Variants in ESRRG observed in about 807,000 individuals in gnomAD.
The protein encoded by ESRRG is estrogen related receptor gamma, also known as estrogen-related receptor gamma.
In ESRRG, 13 loss-of-function variants were observed where a neutral mutation model predicts 44.0. The observed-to-expected ratio is 0.30, with a 90% CI of 0.19 to 0.47. The LOEUF is 0.47. Among genes scored for constraint, ESRRG ranks in the 20% least tolerant of loss-of-function variants. ESRRG has a pLI of 1.00. For synonymous variants in ESRRG, 215 were observed against 214.6 expected (o/e 1.00, Z -0.02); for missense variants, 395 against 580.6 (o/e 0.68, Z 3.29).
chr1:217,088,387 TTTTTTCCTGTC>T (rs2092214706), intron 1 of ESRRG, among the ~76,000 whole-genome samples: 1 of 149,424 alleles, frequency 6.7e-6, no homozygotes, highest in Non-Finnish European at 1.5e-5. Context: ...GAGAATTTCT[TTTTTTCCTGTC>T]TTTTTTTTTT....
chr1:217,010,131 G>T (rs1346311745), intron 1 of ESRRG, among the ~76,000 whole-genome samples: 1 of 152,124 alleles, frequency 6.6e-6, no homozygotes, highest in Non-Finnish European at 1.5e-5. Flanking sequence ...GGAAACATCA[G>T]CAAATCAGAA....
chr1:216,779,529 AATATTT>A (rs1182315985), intron 2 of ESRRG, among the ~76,000 whole-genome samples: 2 of 70,876 alleles, frequency 2.8e-5, no homozygotes, highest in South Asian at 4.1e-4. Context: ...TATAAATATA[AATATTT>A]ATATTTATAT....
chr1:216,564,394 C>T lies in ESRRG; in HGVS notation c.701-14G>A, dbSNP rs1181503741. ...CAATCTTGTTATCTGCAGGATCAGA[C>T]CAGAGCACTACAAGATCACTAGTAG... On this transcript the variant is annotated splice_polypyrimidine_tract_variant and intron_variant, in intron 4 of 6. Transcript: ENST00000408911. 1.3e-6 allele frequency: 2 copies of T among 1,596,796 alleles called. No homozygotes were observed. The highest frequency in any genetic ancestry group is 1.7e-6 in the Non-Finnish European group (2 of 1,172,380).
chr1:217,022,922 C>T (rs2080587705), intron 1 of ESRRG, among the ~76,000 whole-genome samples: 1 of 152,092 alleles, frequency 6.6e-6, no homozygotes, highest in African/African-American at 2.4e-5. Flanking sequence ...ACTAACAATC[C>T]AGTGGGACCT....
intron 1 of ESRRG, among the ~76,000 whole-genome samples, chr1:217,102,197 T>G (rs1285166355): frequency 5.3e-5 from 8 of 152,150 alleles, no homozygotes; most frequent in Non-Finnish European, 1.2e-4. Flanking sequence ...CCTTATGCAA[T>G]AGGTGTTGTT....
At chr1:216,897,948 T>C in intron 2 of ESRRG, among the ~76,000 whole-genome samples, 1 of 152,188 alleles carries the variant, frequency 6.6e-6, no homozygotes. Flanking sequence ...CAGTGAGACC[T>C]TGGGCAGAGC....
chr1:216,931,972 G>A (rs1578298850), intron 2 of ESRRG, among the ~76,000 whole-genome samples: 1 of 152,108 alleles, frequency 6.6e-6, no homozygotes, highest in South Asian at 2.1e-4. Context: ...TTGGGAGGCC[G>A]AGGCAGGCAG....
chr1:217,066,758 C>T (rs959584912), intron 1 of ESRRG, among the ~76,000 whole-genome samples: 3 of 152,160 alleles, frequency 2.0e-5, no homozygotes, highest in East Asian at 1.9e-4. Context: ...GGGCTCTATT[C>T]ACTAGATGCC....
intron 2 of ESRRG, 45 bp downstream of exon 2, chr1:216,677,031 T>G: frequency 6.9e-7 from 1 of 1,455,448 alleles, no homozygotes; most frequent in Non-Finnish European, 9.5e-7. Flanking sequence ...AAACCCATCA[T>G]GTGAGGTTGG....
chr1:216,839,191 C>T (rs529265162), intron 2 of ESRRG, among the ~76,000 whole-genome samples: 60 of 152,270 alleles, frequency 3.9e-4, no homozygotes, highest in African/African-American at 8.9e-4. Context: ...ACAGCACCTT[C>T]GCTAGGAGTA....
At chr1:216,593,231 A>G (rs2057961978) in intron 3 of ESRRG, among the ~76,000 whole-genome samples, 1 of 152,226 alleles carries the variant, frequency 6.6e-6, no homozygotes, top group Admixed American at 6.5e-5. Flanking sequence ...ATTGTTGCTT[A>G]GCTTTTTAAC....
intron 2 of ESRRG, among the ~76,000 whole-genome samples, chr1:216,834,207 C>G (rs887772869): frequency 3.3e-5 from 5 of 152,092 alleles, no homozygotes; most frequent in Admixed American, 2.0e-4. Flanking sequence ...TTGAAACCAG[C>G]CTAGACAACA....
chr1:216,920,165 G>A (rs1366234814), intron 2 of ESRRG, among the ~76,000 whole-genome samples: 2 of 152,108 alleles, frequency 1.3e-5, no homozygotes, highest in South Asian at 2.1e-4. Context: ...TGCTGTGCTC[G>A]CACTACAAAA....
intron 2 of ESRRG, among the ~76,000 whole-genome samples, chr1:216,793,443 A>G (rs1576609587): frequency 6.6e-6 from 1 of 152,162 alleles, no homozygotes; most frequent in East Asian, 1.9e-4. Flanking sequence ...GGGGGAAGCC[A>G]GCTGCCATGT....
At chr1:216,867,860 G>T (rs1038681885) in intron 2 of ESRRG, among the ~76,000 whole-genome samples, 1 of 151,950 alleles carries the variant, frequency 6.6e-6, no homozygotes, top group South Asian at 2.1e-4. Flanking sequence ...AAGAATCGGG[G>T]TACAAAACAA....
At chr1:217,044,313 C>T (rs552242009) in intron 1 of ESRRG, among the ~76,000 whole-genome samples, 10 of 152,236 alleles carry the variant, frequency 6.6e-5, no homozygotes, top group African/African-American at 2.4e-4. Context: ...TCCTGCCTCC[C>T]TAATTTTCTC....
At chr1:216,998,391 GT>G (rs1460324597) in intron 1 of ESRRG, among the ~76,000 whole-genome samples, 1 of 152,114 alleles carries the variant, frequency 6.6e-6, no homozygotes, top group Non-Finnish European at 1.5e-5. Context: ...TGCCAGTGTT[GT>G]TTGCCTACAA....
intron 1 of ESRRG, among the ~76,000 whole-genome samples, chr1:216,699,045 C>T (rs2080868501): frequency 6.6e-6 from 1 of 152,150 alleles, no homozygotes; most frequent in Non-Finnish European, 1.5e-5. Context: ...CGTGCTGAGG[C>T]CATCGCCAGC....
At chr1:217,015,255 C>G (rs1021160124) in intron 1 of ESRRG, among the ~76,000 whole-genome samples, 7 of 152,294 alleles carry the variant, frequency 4.6e-5, no homozygotes, top group African/African-American at 1.7e-4. Context: ...TTTCTACCAT[C>G]TCTTCACTGG....
Sources: gnomAD v4.1 joint callset for allele counts (sites outside exome capture counted in the v4.1 genomes callset) on GRCh38, gnomAD v4.1.1 for gene constraint, MANE v1.5 for transcripts, NCBI Gene and HGNC (gene_info 2026-07-23, HGNC 2026-07-21) for gene names.